FHIT: variants seen among roughly 807,000 people sequenced by gnomAD.
The protein encoded by FHIT is fragile histidine triad diadenosine triphosphatase, also known as bis(5'-adenosyl)-triphosphatase.
FHIT carries 19 observed loss-of-function variants against 17.9 expected under a neutral mutation model. That is an observed-to-expected ratio of 1.06 (90% confidence interval 0.74 to 1.56). The LOEUF (loss-of-function observed/expected upper bound fraction) is 1.56, where lower values mean the gene tolerates loss of function less well. Among genes scored for constraint, FHIT ranks in the 40% most tolerant of loss-of-function variants. The pLI, the probability that FHIT is intolerant of heterozygous loss-of-function variation, is 0.00. For synonymous variants in FHIT, 81 were observed against 69.7 expected, an observed-to-expected ratio of 1.16 and a Z score of -0.81; for missense variants, 248 against 189.2, an observed-to-expected ratio of 1.31 and a Z score of -1.82.
intron 2 of FHIT, among the ~76,000 whole-genome samples, chr3:61,138,334 T>C (rs748680633): frequency 3.9e-5 from 6 of 152,110 alleles, no homozygotes. Context: ...TCCTTGAAGA[T>C]AAAGTGACAG....
At chr3:60,041,713 A>G (rs920092127) in intron 5 of FHIT, among the ~76,000 whole-genome samples, 1 of 152,322 alleles carries the variant, frequency 6.6e-6, no homozygotes, top group Admixed American at 6.5e-5. Context: ...GGACACCCAC[A>G]AAAGAAACTT....
chr3:60,139,387 A>C (rs2107293680), intron 5 of FHIT, among the ~76,000 whole-genome samples: 1 of 3,048 alleles, frequency 3.3e-4, no homozygotes, highest in East Asian at 8.3e-3. Flanking sequence ...GAGAACTAAA[A>C]AGGGTTTAGC....
chr3:60,788,415 T>C (rs1279945744), intron 4 of FHIT, among the ~76,000 whole-genome samples: 2 of 152,190 alleles, frequency 1.3e-5, no homozygotes, highest in Non-Finnish European at 2.9e-5. Context: ...CAATTTCCTA[T>C]GAAAAATCAG....
intron 7 of FHIT, among the ~76,000 whole-genome samples, chr3:59,965,037 A>C (rs1485904): frequency 0.85 from 129,910 of 152,084 alleles, 55,663 homozygotes; most frequent in East Asian, 0.92. Context: ...AACAAACAAA[A>C]AAACACTTGT....
intron 5 of FHIT, among the ~76,000 whole-genome samples, chr3:60,130,784 G>GTGTATACACACATATATGTGTGTGTGTGT (rs148356992): frequency 1.8e-5 from 2 of 111,628 alleles, no homozygotes; most frequent in Admixed American, 1.8e-4. Context: ...GTGTGTGTGT[G>GTGTATACACACATATATGTGTGTGTGTGT]GTGTGTATAT....
chr3:60,749,232 T>A (rs1553716198), intron 4 of FHIT, among the ~76,000 whole-genome samples: 1 of 152,226 alleles, frequency 6.6e-6, no homozygotes, highest in Non-Finnish European at 1.5e-5. Flanking sequence ...AAAGCCACCC[T>A]GAAGAAGGAA....
chr3:61,213,896 C>T (rs1385141306), intron 1 of FHIT, among the ~76,000 whole-genome samples: 1 of 152,198 alleles, frequency 6.6e-6, no homozygotes, highest in Non-Finnish European at 1.5e-5. Context: ...CAACCTGCTC[C>T]TGAATGACTA....
At chr3:60,022,316 G>A (rs1360332273) in intron 5 of FHIT, among the ~76,000 whole-genome samples, 1 of 152,236 alleles carries the variant, frequency 6.6e-6, no homozygotes, top group African/African-American at 2.4e-5. Flanking sequence ...GCAGTCATTA[G>A]TGCTGTTTGC....
chr3:60,990,637 C>T (rs2030114299), intron 3 of FHIT, among the ~76,000 whole-genome samples: 1 of 152,196 alleles, frequency 6.6e-6, no homozygotes. Context: ...AAGAGAACCA[C>T]TTTCCAGGAT....
intron 2 of FHIT, among the ~76,000 whole-genome samples, chr3:61,158,390 C>T (rs1381052610): frequency 2.6e-5 from 4 of 152,162 alleles, no homozygotes; most frequent in Middle Eastern, 3.2e-3. Flanking sequence ...TAATTGGTAA[C>T]CAAATAAAAC....
chr3:60,804,993 G>A (rs1345004711), intron 4 of FHIT, among the ~76,000 whole-genome samples: 1 of 152,216 alleles, frequency 6.6e-6, no homozygotes, highest in African/African-American at 2.4e-5. Context: ...TAATCCACGA[G>A]TAACTAGCAC....
chr3:59,904,664 G>C (rs563372898), intron 8 of FHIT, among the ~76,000 whole-genome samples: 4 of 152,238 alleles, frequency 2.6e-5, no homozygotes, highest in African/African-American at 9.6e-5. Context: ...GGTTCCCTGA[G>C]CTCTTGTACC....
At chr3:60,192,250 C>CAAAAAA (rs71089591) in intron 5 of FHIT, among the ~76,000 whole-genome samples, 1 of 121,578 alleles carries the variant, frequency 8.2e-6, no homozygotes, top group African/African-American at 3.2e-5. Context: ...CACTATGTCT[C>CAAAAAA]AAAAAAAAAA....
At chr3:60,721,754 C>T (rs2041814219) in intron 4 of FHIT, among the ~76,000 whole-genome samples, 1 of 152,050 alleles carries the variant, frequency 6.6e-6, no homozygotes, top group Non-Finnish European at 1.5e-5. Context: ...ATAAGTGGTT[C>T]CAGGACACAG....
At chr3:59,765,871 A>ATAAT (rs1477447020) in intron 8 of FHIT, among the ~76,000 whole-genome samples, 1 of 152,230 alleles carries the variant, frequency 6.6e-6, no homozygotes, top group Admixed American at 6.5e-5. Flanking sequence ...ATATGTTCAC[A>ATAAT]TAATTAAATA....
chr3:60,224,846 G>A (rs1559741568), intron 5 of FHIT, among the ~76,000 whole-genome samples: 1 of 151,826 alleles, frequency 6.6e-6, no homozygotes, highest in Non-Finnish European at 1.5e-5. Context: ...TCAGCCTCTT[G>A]AATAGCTGGG....
At chr3:60,617,674 C>T (rs1227768187) in intron 4 of FHIT, 4 of 153,694 alleles carry the variant, frequency 2.6e-5, no homozygotes, top group African/African-American at 9.7e-5. Context: ...AAATATCAAA[C>T]AGAAGCTGTT....
chr3:61,232,500 C>G (rs968432623), intron 1 of FHIT, among the ~76,000 whole-genome samples: 6 of 152,190 alleles, frequency 3.9e-5, no homozygotes, highest in African/African-American at 1.4e-4. Context: ...CCCACCACCC[C>G]TTGGAGGAGG....
chr3:60,172,482 G>A (rs543661792), intron 5 of FHIT, among the ~76,000 whole-genome samples: 76 of 150,570 alleles, frequency 5.0e-4, no homozygotes, highest in African/African-American at 1.7e-3. Context: ...CTCCATGTTA[G>A]TCAGGCTGGT....
Sources: gnomAD v4.1 joint callset for allele counts (sites outside exome capture counted in the v4.1 genomes callset) on GRCh38, gnomAD v4.1.1 for gene constraint, MANE v1.5 for transcripts, NCBI Gene and HGNC (gene_info 2026-07-23, HGNC 2026-07-21) for gene names.